The following MEIOSIN variants were observed in gnomAD, a reference collection of about 807,000 sequenced individuals.
MEIOSIN encodes meiosis initiator protein.
MEIOSIN carries 18 observed loss-of-function variants against 23.4 expected under a neutral mutation model. The ratio of observed to expected loss-of-function variants is 0.77; its 90% CI spans 0.53 to 1.14. The LOEUF is 1.14. Among genes scored for constraint, MEIOSIN ranks in the 50% most tolerant of loss-of-function variants. The pLI is 0.00. For missense variants in MEIOSIN, 428 were observed against 242.9 expected (o/e 1.76, Z -5.07); for synonymous variants, 187 against 100.6 (o/e 1.86, Z -5.14).
intron 11 of MEIOSIN, 27 bp downstream of exon 11, chr19:45,759,517 C>T (rs1356416172): frequency 2.4e-5 from 17 of 702,490 alleles, no homozygotes; most frequent in Non-Finnish European, 4.4e-5. Flanking sequence ...CCTCTGTCCA[C>T]AGACACATCC....
chr19:45,737,215 T>G (rs1256642475), intron 2 of MEIOSIN, among the ~76,000 whole-genome samples: 1 of 150,584 alleles, frequency 6.6e-6, no homozygotes, highest in Non-Finnish European at 1.5e-5. Flanking sequence ...CTCTGTCACC[T>G]AGGCTGGAAT....
chr19:45,760,106 C>T lies in MEIOSIN; in HGVS notation c.1245+616C>T, dbSNP rs534106156. On this transcript the variant is annotated intron_variant, in intron 11 of 14. Transcript: ENST00000457052. ...GTGAGCCACCGTGCCCAGCTTCCCA[C>T]ATCATTTTACAACTACTCTACGAAG... 1.1e-3 allele frequency among the ~76,000 whole-genome samples: 165 copies of T among 151,912 alleles called. 1 individual carries two copies. The highest frequency in any genetic ancestry group is 1.8e-3 in the Non-Finnish European group (121 of 67,926).
intron 7 of MEIOSIN, 119 bp downstream of exon 7, chr19:45,754,843 G>A (rs1968789256): frequency 3.2e-6 from 2 of 630,762 alleles, no homozygotes; most frequent in East Asian, 2.7e-5. Context: ...AGGAAACACC[G>A]CCTCTTACTT....
chr19:45,734,693 G>T (rs1968381566), intron 1 of MEIOSIN, among the ~76,000 whole-genome samples: 1 of 149,520 alleles, frequency 6.7e-6, no homozygotes, highest in South Asian at 2.1e-4. Flanking sequence ...TTTTGTAGAG[G>T]TGGAGTTTTG....
At chr19:45,755,033 T>G (rs543520101) in intron 7 of MEIOSIN, among the ~76,000 whole-genome samples, 28 of 152,262 alleles carry the variant, frequency 1.8e-4, no homozygotes, top group Non-Finnish European at 3.7e-4. Context: ...TGCACTGGTT[T>G]GGAAAACGTG....
chr19:45,758,935 C>G lies in MEIOSIN; in HGVS notation c.1070C>G (p.Pro357Arg). ...GATGTCTGGAGTGGAACAGGCCACC[C>G]AAGTGAGATCCTCGGGCTCAGCCCT... is the stretch of plus-strand genomic sequence containing the variant. ...QIDVWSGTGH[P>R]SEILGLSPSL... The change falls in exon 10 of 15, where the codon CCA becomes CGA. Residue 357 changes from proline to arginine, a missense_variant. Transcript: ENST00000457052. 1 of 703,114 alleles carries G rather than the reference C, an allele frequency of 1.4e-6. No individual in the cohort carries two copies. Among genetic ancestry groups the G allele is most frequent in the Non-Finnish European group, 2.6e-6 (1 of 385,030 alleles). 43.6% of individuals were successfully genotyped at this position (703,114 alleles called of 1,614,324 possible). A position where few individuals can be genotyped will look rare whatever the true frequency, so the allele number is the denominator to read the frequency against.
At position 45,734,513 on chromosome 19, in the gene MEIOSIN, T is replaced by G. The variant is rs531489108; in HGVS notation, c.-1+847T>G. On this transcript the variant is annotated intron_variant, in intron 1 of 14. Coordinates refer to ENST00000457052, the MANE Select transcript of MEIOSIN (RefSeq NM_001310124.2). Reference sequence around the variant, plus strand: ...GTAGGTTTGGGAGGGCTCCTTTTTTTTTGTTTTTGAGACAAGGTCTCACTT... The same window carrying G: ...GTAGGTTTGGGAGGGCTCCTTTTTTGTTGTTTTTGAGACAAGGTCTCACTT... 4.4e-4 allele frequency among the ~76,000 whole-genome samples: 67 copies of G among 151,348 alleles called. 2 individuals are homozygous for G. In the South Asian group the frequency reaches 0.012, roughly 27 times the overall value.
At chr19:45,749,898 G>A (rs1047364607) in intron 4 of MEIOSIN, among the ~76,000 whole-genome samples, 18 of 150,542 alleles carry the variant, frequency 1.2e-4, no homozygotes, top group African/African-American at 4.1e-4. Context: ...CAGCTACTCA[G>A]GAGGCTGAGG....
At chr19:45,751,984 T>C (rs112382785) in intron 5 of MEIOSIN, among the ~76,000 whole-genome samples, 2,771 of 150,982 alleles carry the variant, frequency 0.018, 33 homozygotes, top group Non-Finnish European at 0.027. Context: ...CCACCCACCT[T>C]GGCCTCCCAA....
chr19:45,761,351 ACCTCAGGTGATCCTCCTG>A (rs1020821684), intron 11 of MEIOSIN, among the ~76,000 whole-genome samples: 1 of 148,786 alleles, frequency 6.7e-6, no homozygotes, highest in Non-Finnish European at 1.5e-5. Context: ...TGAACTCCTG[ACCTCAGGTGATCCTCCTG>A]CCTCAGCCTC....
chr19:45,742,992 G>A (rs886153126), intron 3 of MEIOSIN, among the ~76,000 whole-genome samples: 5 of 152,174 alleles, frequency 3.3e-5, no homozygotes, highest in South Asian at 2.1e-4. Flanking sequence ...TGTGAGGGAA[G>A]AAATTGGCTA....
chr19:45,763,911 G>A, intron 14 of MEIOSIN, 60 bp from the exon 15 acceptor site: 1 of 398,600 alleles, frequency 2.5e-6, no homozygotes. Context: ...ATTGGGAGTG[G>A]TACAGGGATG....
chr19:45,758,076 C>T (rs1273745033), intron 9 of MEIOSIN, among the ~76,000 whole-genome samples: 2 of 151,934 alleles, frequency 1.3e-5, no homozygotes, highest in Non-Finnish European at 2.9e-5. Flanking sequence ...CAGTTCACTG[C>T]AACTTCTGCC....
At chr19:45,759,844 C>T (rs1339065156) in intron 11 of MEIOSIN, among the ~76,000 whole-genome samples, 1 of 151,956 alleles carries the variant, frequency 6.6e-6, no homozygotes, top group African/African-American at 2.4e-5. Flanking sequence ...TGTTGTCGCC[C>T]AGGCTGGGGT....
At chr19:45,758,696 C>G (rs1968883089) in intron 9 of MEIOSIN, among the ~76,000 whole-genome samples, 182 bp from the exon 10 acceptor site, 1 of 152,230 alleles carries the variant, frequency 6.6e-6, no homozygotes, top group Non-Finnish European at 1.5e-5. Flanking sequence ...TCCCAAAGTG[C>G]TGGGTTACAG....
At chr19:45,763,936 G>C in intron 14 of MEIOSIN, 35 bp from the exon 15 acceptor site, 4 of 398,714 alleles carry the variant, frequency 1.0e-5, no homozygotes, top group Non-Finnish European at 1.8e-5. Flanking sequence ...GGAGGCGAGT[G>C]AGGAAGCCAG....
chr19:45,739,067 G>A (rs1334305996), intron 2 of MEIOSIN, among the ~76,000 whole-genome samples: 1 of 152,166 alleles, frequency 6.6e-6, no homozygotes, highest in Non-Finnish European at 1.5e-5. Flanking sequence ...TGATGTTGCC[G>A]GGAATCTGCG....
rs1056704069 is a variant in MEIOSIN at position 45,761,786 on chromosome 19, G to A, written c.1353G>A (p.Ala451=). The change falls in exon 12 of 15, where the codon GCG becomes GCA. Residue 451 remains alanine (A), a synonymous_variant. Coordinates refer to ENST00000457052, the MANE Select transcript of MEIOSIN (RefSeq NM_001310124.2). ...CYLSLSGNSK[A]PSSSSSSSSS... ...TCTCGCTGAGCGGGAACAGCAAGGC[G>A]CCATCCAGCTCCAGCTCCAGCTCCA... The A allele has an allele frequency of 3.7e-5, 25 of 675,044 alleles. No homozygotes were observed. The highest frequency in any genetic ancestry group is 4.6e-4 in the Middle Eastern group (2 of 4,306). The allele number at this position is 675,044 out of a possible 1,614,324, so 41.8% of individuals were successfully genotyped here.
Position 45,753,647 on chromosome 19 carries a change from G to A in MEIOSIN, c.419-4G>A, listed in dbSNP as rs1259410833. 1.4e-6 allele frequency: 1 copy of A among 701,592 alleles called. No homozygotes were observed. Among genetic ancestry groups the A allele is most frequent in the East Asian group, 2.7e-5 (1 of 37,254 alleles). 43.5% of individuals were successfully genotyped at this position (701,592 alleles called of 1,614,324 possible). ...CTGAGCTGTTTCCCTCTCCATCCCT[G>A]CAGGGCTGGGTCAGAAACCAGCCTG... On this transcript the variant is annotated splice_polypyrimidine_tract_variant and splice_region_variant and intron_variant, in intron 5 of 14. Transcript: ENST00000457052.
Sources: allele counts gnomAD v4.1 joint callset (sites outside exome capture counted in the v4.1 genomes callset), GRCh38; gene constraint gnomAD v4.1.1; transcripts MANE v1.5; gene names NCBI Gene and HGNC (gene_info 2026-07-23, HGNC 2026-07-21).